GPR34: variants seen among roughly 807,000 people sequenced by gnomAD.
GPR34 encodes the protein G protein-coupled receptor 34, also known as probable G protein-coupled receptor 34.
Under a neutral mutation model 14.1 loss-of-function variants are expected in GPR34, and 3 were observed. The ratio of observed to expected loss-of-function variants is 0.21; its 90% CI spans 0.10 to 0.55. GPR34 has a LOEUF of 0.55. Ranked by LOEUF, GPR34 falls within the 20% of genes least tolerant of loss-of-function variation. The probability of loss-of-function intolerance (pLI) is 0.94; values close to 1 mark genes in which losing one functional copy is unlikely to be tolerated. For synonymous variants in GPR34, 99 were observed against 99.9 expected (o/e 0.99, Z 0.05); for missense variants, 213 against 292.8 (o/e 0.73, Z 1.99).
Position 41,695,768 on chromosome X carries a change from C to T in GPR34, c.135C>T (p.Thr45=). The T allele has an allele frequency of 8.3e-7, 1 of 1,210,155 alleles. No individual in the cohort carries two copies. Among genetic ancestry groups the T allele is most frequent in the East Asian group, 3.0e-5 (1 of 33,848 alleles). The change falls in exon 3 of 3, where the codon ACC becomes ACT. Residue 45 remains threonine, a synonymous_variant. Coordinates refer to ENST00000378142, the MANE Select transcript of GPR34 (RefSeq NM_001097579.2). The part of the protein sequence containing the change: ...QNFSATPNVT[T]CPMDEKLLST... ...TCTCAGCAACACCAAATGTTACTAC[C>T]TGTCCCATGGATGAAAAATTGCTAT...
At chrX:41,691,294 T>G (rs762665987) in intron 2 of GPR34, among the ~76,000 whole-genome samples, 23 of 111,980 alleles carry the variant, frequency 2.1e-4, no homozygotes, top group African/African-American at 7.5e-4. Context: ...GAATGATTTG[T>G]GATTCTGTAA....
Position 41,696,394 on chromosome X carries a change from A to G in GPR34, c.761A>G (p.Lys254Arg). 2 of 1,178,917 alleles carry G rather than the reference A, an allele frequency of 1.7e-6. No individual in the cohort carries two copies. Among genetic ancestry groups the G allele is most frequent in the Non-Finnish European group, 2.3e-6 (2 of 878,572 alleles). The change falls in exon 3 of 3, where the codon AAA (lysine) becomes AGA (arginine). Residue 254 changes from lysine (K) to arginine (R), a missense_variant. Physicochemically the swap from Lys to Arg is conservative, Grantham distance 26. Coordinates refer to ENST00000378142, the MANE Select transcript of GPR34 (RefSeq NM_001097579.2). ...NLLRISKRRS[K>R]FPNSGKYATT... ...TTGAGGATTTCTAAAAGGAGGTCAA[A>G]ATTTCCTAATTCTGGTAAATATGCC... is the stretch of plus-strand genomic sequence containing the variant.
rs147982620 is a variant in GPR34, at chrX:41,696,416, T to C, written c.783T>C (p.Tyr261=). 6.7e-5 allele frequency: 79 copies of C among 1,185,260 alleles called. No homozygotes were observed. Among genetic ancestry groups the C allele is most frequent in the Non-Finnish European group, 8.7e-5 (77 of 880,623 alleles). ...CAAAATTTCCTAATTCTGGTAAATA[T>C]GCCACTACAGCTCGTAACTCCTTTA... ...RRSKFPNSGK[Y]ATTARNSFIV... Residue 261 remains tyrosine, a synonymous_variant, in exon 3 of 3, where the codon TAT becomes TAC. Transcript: ENST00000378142.
At chrX:41,690,036 A>T (rs1178055287) in intron 2 of GPR34, among the ~76,000 whole-genome samples, 1 of 111,262 alleles carries the variant, frequency 9.0e-6, no homozygotes, top group Non-Finnish European at 1.9e-5. Context: ...TAGGTTTTTG[A>T]ACTTGTGAAT....
chrX:41,696,739 C>T lies in GPR34; in HGVS notation c.1106C>T (p.Ser369Phe), dbSNP rs751806897. Residue 369 changes from serine (S) to phenylalanine (F), a missense_variant, in exon 3 of 3, where the codon TCT becomes TTT. Transcript: ENST00000378142. ...CCAGGATACTCCCTGCATGATACAT[C>T]TGTGGCAGTGAAAATACAGTCTAGT... is the stretch of plus-strand genomic sequence containing the variant. ...FKPGYSLHDT[S>F]VAVKIQSSSK... 11 of 1,197,684 alleles carry T rather than the reference C, an allele frequency of 9.2e-6. No individual in the cohort carries two copies. In the South Asian group the frequency reaches 2.0e-4, roughly 22 times the overall value.
Position 41,696,164 on chromosome X carries a change from A to G in GPR34, c.531A>G (p.Ile177Met). ...TTKQSIYVCC[I>M]VWMLALGGFL... ...AACAAAGTATTTATGTCTGTTGTAT[A>G]GTATGGATGCTTGCTCTTGGTGGAT... Residue 177 changes from isoleucine to methionine, a missense_variant, in exon 3 of 3, where the codon ATA becomes ATG. Ile to Met is a conservative substitution (Grantham distance 10, BLOSUM62 1). Transcript: ENST00000378142. The G allele has an allele frequency of 8.3e-7, 1 of 1,206,958 alleles. No homozygotes were observed. The highest frequency in any genetic ancestry group is 2.2e-5 in the Admixed American group (1 of 45,912).
At position 41,688,987 on chromosome X, in the gene GPR34, C is replaced by T. The variant is rs1347838523; in HGVS notation, c.-270C>T. 1 of 110,736 alleles carries T rather than the reference C, an allele frequency of 9.0e-6. No individual in the cohort carries two copies. The highest frequency in any genetic ancestry group is 1.9e-5 in the Non-Finnish European group (1 of 52,822). 9.1% of individuals were successfully genotyped at this position (110,736 alleles called of 1,213,427 possible). ...AAGAGAACCCCAACCAATTGCACCA[C>T]GACCGGATGGAAGAGCCCAGCTGAC... is the stretch of plus-strand genomic sequence containing the variant. On this transcript the variant is annotated 5_prime_UTR_variant, in exon 1 of 3. The change creates a new upstream start codon in the 5' untranslated region. Coordinates refer to ENST00000378142, the MANE Select transcript of GPR34 (RefSeq NM_001097579.2).
chrX:41,696,294 T>G lies in GPR34; in HGVS notation c.661T>G (p.Phe221Val), dbSNP rs2067688029. ...HNAKGEAIFN[F>V]ILVVMFWLIF... ...CGCAAAAGGAGAAGCCATTTTTAACTTCATTCTTGTGGTAATGTTCTGGCT... is the reference window on the plus strand; with the variant it reads ...CGCAAAAGGAGAAGCCATTTTTAACGTCATTCTTGTGGTAATGTTCTGGCT... The change falls in exon 3 of 3, where the codon TTC (phenylalanine) becomes GTC (valine). Residue 221 changes from phenylalanine to valine, a missense_variant. Coordinates refer to ENST00000378142, the MANE Select transcript of GPR34 (RefSeq NM_001097579.2). The G allele has an allele frequency of 8.4e-7, 1 of 1,186,102 alleles. No homozygotes were observed. The highest frequency in any genetic ancestry group is 1.8e-5 in the African/African-American group (1 of 56,181).
Position 41,696,207 on chromosome X carries a change from T to C in GPR34, c.574T>C (p.Leu192=), listed in dbSNP as rs1448647432. 1.7e-6 allele frequency: 2 copies of C among 1,205,741 alleles called. No individual in the cohort carries two copies. The highest frequency in any genetic ancestry group is 2.2e-6 in the Non-Finnish European group (2 of 890,182). Residue 192 remains leucine (L), a synonymous_variant, in exon 3 of 3, where the codon TTA becomes CTA. Transcript: ENST00000378142. ...ALGGFLTMII[L]TLKKGGHNST... ...TGGTGGATTCCTAACTATGATTATT[T>C]TAACACTTAAGAAAGGAGGGCATAA...
Position 41,695,542 on chromosome X carries a change from C to A in GPR34, c.-79-13C>A. On this transcript the variant is annotated splice_polypyrimidine_tract_variant and intron_variant, in intron 2 of 2. Coordinates refer to ENST00000378142, the MANE Select transcript of GPR34 (RefSeq NM_001097579.2). ...AAATAGCAAATGACTCAATGTTTGG[C>A]ATTCCGTTGTAGGAAAAATCTGAAG... 1.8e-6 allele frequency: 1 copy of A among 560,562 alleles called. No homozygotes were observed. The highest frequency in any genetic ancestry group is 2.9e-6 in the Non-Finnish European group (1 of 339,134). The allele number at this position is 560,562 out of a possible 1,213,427, so 46.2% of individuals were successfully genotyped here.
Position 41,696,292 on chromosome X carries a change from AC to A in GPR34, c.660del (p.Phe221SerfsTer5). 8.4e-7 allele frequency: 1 copy of A among 1,189,373 alleles called. No homozygotes were observed. The highest frequency in any genetic ancestry group is 1.1e-6 in the Non-Finnish European group (1 of 884,414). ...AACGCAAAAGGAGAAGCCATTTTTA[AC>A]TTCATTCTTGTGGTAATGTTCTGGC... is the stretch of plus-strand genomic sequence containing the variant. ...KHNAKGEAIF[N>X]FILVVMFWLI... On this transcript the variant is annotated frameshift_variant, in exon 3 of 3. Transcript: ENST00000378142. LOFTEE classifies it high-confidence loss of function.
intron 2 of GPR34, among the ~76,000 whole-genome samples, chrX:41,691,231 G>A (rs1390212729): frequency 9.0e-6 from 1 of 111,554 alleles, no homozygotes; most frequent in Non-Finnish European, 1.9e-5. Flanking sequence ...TATGGCTATC[G>A]GGTCTAGAAG....
chrX:41,695,701 T>C lies in GPR34; in HGVS notation c.68T>C (p.Met23Thr), dbSNP rs1253819535. 5 of 1,204,937 alleles carry C rather than the reference T, an allele frequency of 4.1e-6. No individual in the cohort carries two copies. Among genetic ancestry groups the C allele is most frequent in the Non-Finnish European group, 5.6e-6 (5 of 889,690 alleles). The change falls in exon 3 of 3, where the codon ATG becomes ACG. Residue 23 changes from methionine (M) to threonine (T), a missense_variant. Coordinates refer to ENST00000378142, the MANE Select transcript of GPR34 (RefSeq NM_001097579.2). ...AGCTGGCCTTACTCCTCCCACAGAA[T>C]GCGCTTTATAACCAATCATAGCGAC... ...VSSWPYSSHRMRFITNHSDQP... is the reference protein window; with the variant it reads ...VSSWPYSSHRTRFITNHSDQP...
chrX:41,693,162 C>T (rs770729261), intron 2 of GPR34, among the ~76,000 whole-genome samples: 1 of 111,460 alleles, frequency 9.0e-6, no homozygotes, highest in African/African-American at 3.3e-5. Context: ...CTTCTTGTGC[C>T]TCAATTCCCT....
chrX:41,697,169 T>C lies in GPR34; in HGVS notation c.*390T>C. ...CTGACAATGTGTCAGAAAATATATG[T>C]TCATTTATCATTTTAAAATCTTGTA... On this transcript the variant is annotated 3_prime_UTR_variant, in exon 3 of 3. Coordinates refer to ENST00000378142, the MANE Select transcript of GPR34 (RefSeq NM_001097579.2). The C allele has an allele frequency of 7.5e-6, 1 of 133,922 alleles. No homozygotes were observed. The highest frequency in any genetic ancestry group is 1.7e-5 in the Non-Finnish European group (1 of 59,632). 11.0% of individuals were successfully genotyped at this position (133,922 alleles called of 1,213,427 possible).
At chrX:41,689,546 T>C (rs923682188) in intron 1 of GPR34, among the ~76,000 whole-genome samples, 197 bp from the exon 2 acceptor site, 7 of 111,836 alleles carry the variant, frequency 6.3e-5, no homozygotes, top group African/African-American at 2.3e-4. Flanking sequence ...CCAGACCATA[T>C]AACATTTAAG....
chrX:41,693,764 T>C (rs777803083), intron 2 of GPR34, among the ~76,000 whole-genome samples: 1 of 111,751 alleles, frequency 8.9e-6, no homozygotes, highest in East Asian at 2.8e-4. Context: ...GCTCCCTTCC[T>C]TTCTCCCTCC....
At chrX:41,695,205 C>T (rs2067658803) in intron 2 of GPR34, among the ~76,000 whole-genome samples, 1 of 111,608 alleles carries the variant, frequency 9.0e-6, no homozygotes, top group Non-Finnish European at 1.9e-5. Flanking sequence ...AGATACCACA[C>T]TATGTGCTGC....
chrX:41,691,302 T>C (rs1379581534), intron 2 of GPR34, among the ~76,000 whole-genome samples: 3 of 111,959 alleles, frequency 2.7e-5, no homozygotes, highest in Non-Finnish European at 5.6e-5. Context: ...TGTGATTCTG[T>C]AAACTCTGGA....
Sources: allele counts gnomAD v4.1 joint callset (sites outside exome capture counted in the v4.1 genomes callset), GRCh38; gene constraint gnomAD v4.1.1; transcripts MANE v1.5; gene names NCBI Gene and HGNC (gene_info 2026-07-23, HGNC 2026-07-21).